The following RAPH1 variants were observed in gnomAD, a reference collection of about 807,000 sequenced individuals.
RAPH1 encodes ras-associated and pleckstrin homology domains-containing protein 1.
In RAPH1, 18 loss-of-function variants were observed where a neutral mutation model predicts 88.1. The observed-to-expected ratio is 0.20, with a 90% confidence interval of 0.14 to 0.30. The LOEUF is 0.30. Ranked by LOEUF, RAPH1 falls within the 10% of genes least tolerant of loss-of-function variation. The probability of loss-of-function intolerance (pLI) is 1.00; values close to 1 mark genes in which losing one functional copy is unlikely to be tolerated. For synonymous variants in RAPH1, 587 were observed against 559.0 expected (o/e 1.05, Z -0.71); for missense variants, 1,448 against 1,543.2 (o/e 0.94, Z 1.03).
At chr2:203,484,274 A>T (rs1474267802) in intron 4 of RAPH1, among the ~76,000 whole-genome samples, 1 of 152,154 alleles carries the variant, frequency 6.6e-6, no homozygotes, top group Non-Finnish European at 1.5e-5. Flanking sequence ...GACTTCATAC[A>T]ACGTACTATA....
At chr2:203,527,276 G>A (rs934360275) in intron 1 of RAPH1, among the ~76,000 whole-genome samples, 2 of 151,914 alleles carry the variant, frequency 1.3e-5, no homozygotes, top group African/African-American at 4.8e-5. Flanking sequence ...TACAGACACT[G>A]GCGTCTTCAC....
chr2:203,440,716 G>C lies in RAPH1; in HGVS notation c.2474C>G (p.Pro825Arg), dbSNP rs1186894272. The part of the protein sequence containing the change: ...KQPAFPASYI[P>R]PSPPTPPVPV... ...AACAGGAGGGGTAGGGGGAGAGGGT[G>C]GAATGTAAGAAGCAGGGAAAGCTGG... The change falls in exon 14 of 14, where the codon CCA becomes CGA. Residue 825 changes from proline to arginine, a missense_variant. By Grantham distance (103) the Pro-to-Arg change is moderately radical. Coordinates refer to ENST00000319170, the MANE Select transcript of RAPH1 (RefSeq NM_213589.3). The C allele has an allele frequency of 6.2e-7, 1 of 1,606,280 alleles. No individual in the cohort carries two copies. Among genetic ancestry groups the C allele is most frequent in the South Asian group, 1.1e-5 (1 of 89,780 alleles).
chr2:203,488,938 A>G (rs1688115894), intron 4 of RAPH1, among the ~76,000 whole-genome samples: 1 of 152,182 alleles, frequency 6.6e-6, no homozygotes, highest in Non-Finnish European at 1.5e-5. Context: ...AGCCTGGCCA[A>G]CATGGTGAAA....
intron 4 of RAPH1, among the ~76,000 whole-genome samples, chr2:203,487,161 A>C: frequency 6.6e-6 from 1 of 152,320 alleles, no homozygotes; most frequent in South Asian, 2.1e-4. Flanking sequence ...CTTAATGATT[A>C]GTTTATAACT....
chr2:203,439,246 T>C lies in RAPH1; in HGVS notation c.*191A>G, dbSNP rs867152226. ...CTCTATATACACATACACATACATA[T>C]ATGTATACATATATACACACACTGT... On this transcript the variant is annotated 3_prime_UTR_variant, in exon 14 of 14. Coordinates refer to ENST00000319170, the MANE Select transcript of RAPH1 (RefSeq NM_213589.3). The C allele has an allele frequency of 5.2e-5, 30 of 575,092 alleles. No individual in the cohort carries two copies. Among genetic ancestry groups the C allele is most frequent in the Middle Eastern group, 4.5e-4 (1 of 2,208 alleles). 35.6% of individuals were successfully genotyped at this position (575,092 alleles called of 1,614,324 possible). A position where few individuals can be genotyped will look rare whatever the true frequency, so the allele number is the denominator to read the frequency against.
chr2:203,513,175 T>C (rs1405541109), intron 1 of RAPH1, among the ~76,000 whole-genome samples: 1 of 150,342 alleles, frequency 6.7e-6, no homozygotes, highest in Non-Finnish European at 1.5e-5. Flanking sequence ...ATCATTTAAA[T>C]CCTTAGCCCT....
intron 1 of RAPH1, among the ~76,000 whole-genome samples, chr2:203,508,023 TAACA>T (rs1689162979): frequency 2.6e-5 from 4 of 151,210 alleles, no homozygotes; most frequent in Admixed American, 2.6e-4. Flanking sequence ...CCATCCTGGC[TAACA>T]CAGTGAAACC....
intron 13 of RAPH1, chr2:203,443,911 G>A (rs1415468886): frequency 6.6e-6 from 1 of 152,066 alleles, no homozygotes; most frequent in African/African-American, 2.4e-5. Flanking sequence ...CAAGCAGGCT[G>A]AGGTGGGAGG....
At chr2:203,522,529 GTGGGCA>G (rs1689929706) in intron 1 of RAPH1, among the ~76,000 whole-genome samples, 1 of 152,156 alleles carries the variant, frequency 6.6e-6, no homozygotes, top group Non-Finnish European at 1.5e-5. Flanking sequence ...CAATGTCCCA[GTGGGCA>G]TTTTTTTACA....
intron 13 of RAPH1, 96 bp from the exon 14 acceptor site, chr2:203,441,509 G>T: frequency 7.0e-7 from 1 of 1,427,036 alleles, no homozygotes; most frequent in Non-Finnish European, 9.2e-7. Flanking sequence ...TAAAAAGCAG[G>T]GAGTCTGGGA....
At chr2:203,479,356 C>A (rs570955259) in intron 4 of RAPH1, among the ~76,000 whole-genome samples, 2 of 152,154 alleles carry the variant, frequency 1.3e-5, no homozygotes, top group Non-Finnish European at 2.9e-5. Flanking sequence ...GTAATCCCAG[C>A]CCTTTGGGAG....
chr2:203,461,222 A>G (rs1467152929), intron 6 of RAPH1, 27 bp downstream of exon 6: 3 of 1,443,738 alleles, frequency 2.1e-6, no homozygotes, highest in East Asian at 5.0e-5. Context: ...AAAATTAGAA[A>G]GCAATTAAAG....
At chr2:203,506,877 TATAGATA>T (rs1689102104) in intron 1 of RAPH1, among the ~76,000 whole-genome samples, 1 of 93,382 alleles carries the variant, frequency 1.1e-5, no homozygotes, top group African/African-American at 4.8e-5. Flanking sequence ...TATATATATA[TATAGATA>T]TATATATATA....
chr2:203,441,597 G>T, intron 13 of RAPH1, 184 bp from the exon 14 acceptor site: 1 of 1,344,804 alleles, frequency 7.4e-7, no homozygotes, highest in Non-Finnish European at 9.5e-7. Flanking sequence ...CTGATTGTGC[G>T]GGCAAGAAGG....
chr2:203,529,736 T>G (rs1690305792), intron 1 of RAPH1, among the ~76,000 whole-genome samples: 1 of 152,226 alleles, frequency 6.6e-6, no homozygotes, highest in African/African-American at 2.4e-5. Flanking sequence ...ATGTTTACAG[T>G]CCAATTTTTG....
chr2:203,484,724 A>G (rs1167801140), intron 4 of RAPH1, among the ~76,000 whole-genome samples: 5 of 152,212 alleles, frequency 3.3e-5, no homozygotes, highest in Non-Finnish European at 2.9e-5. Flanking sequence ...GACTAAAAGC[A>G]GGAAGAATGG....
intron 1 of RAPH1, among the ~76,000 whole-genome samples, chr2:203,517,958 G>A (rs1333457729): frequency 6.6e-6 from 1 of 151,932 alleles, no homozygotes; most frequent in Non-Finnish European, 1.5e-5. Context: ...TAGAAATCTA[G>A]AACAAGAAGA....
chr2:203,470,169 G>A (rs911022901), intron 4 of RAPH1: 1 of 1,009,298 alleles, frequency 9.9e-7, no homozygotes, highest in South Asian at 1.5e-5. Flanking sequence ...ATAAGAGCAT[G>A]ATCAAAAACA....
intron 1 of RAPH1, among the ~76,000 whole-genome samples, chr2:203,495,608 G>A (rs1282801654): frequency 2.0e-5 from 3 of 152,004 alleles, no homozygotes; most frequent in Middle Eastern, 3.4e-3. Context: ...GACCAGAATC[G>A]CATTACTAAA....
Sources: gnomAD v4.1 joint callset for allele counts (sites outside exome capture counted in the v4.1 genomes callset) on GRCh38, gnomAD v4.1.1 for gene constraint, MANE v1.5 for transcripts, NCBI Gene and HGNC (gene_info 2026-07-23, HGNC 2026-07-21) for gene names.